The following SYCP1 variants were observed in gnomAD, a reference collection of about 807,000 sequenced individuals.
The protein encoded by SYCP1 is synaptonemal complex protein 1.
A neutral mutation model predicts 153.1 loss-of-function variants in SYCP1; 64 were observed. That is an observed-to-expected ratio of 0.42 (90% confidence interval 0.34 to 0.51). SYCP1 has a LOEUF of 0.51. Ranked by LOEUF, SYCP1 falls within the 20% of genes least tolerant of loss-of-function variation. The pLI, the probability that SYCP1 is intolerant of heterozygous loss-of-function variation, is 0.06. For missense variants in SYCP1, 997 were observed against 1,049.0 expected, an observed-to-expected ratio of 0.95 and a Z score of 0.68; for synonymous variants, 384 against 341.8, an observed-to-expected ratio of 1.12 and a Z score of -1.36.
chr1:114,882,092 G>A (rs1479220743), intron 12 of SYCP1, among the ~76,000 whole-genome samples: 3 of 152,128 alleles, frequency 2.0e-5, no homozygotes, highest in Admixed American at 6.6e-5. Flanking sequence ...GGCTGAGGTG[G>A]AAGGATCACT....
rs1674198686 is a variant in SYCP1 at position 114,995,136 on chromosome 1, A to T, written c.*117A>T. ...AAGTTGAGACTTAAAAAATACTTGC[A>T]TGAATGATTTGTGTTTCTTTATATT... On this transcript the variant is annotated 3_prime_UTR_variant, in exon 32 of 32. Transcript: ENST00000369522. 3.0e-6 allele frequency: 3 copies of T among 1,006,670 alleles called. No individual in the cohort carries two copies. Among genetic ancestry groups the T allele is most frequent in the Admixed American group, 6.3e-5 (2 of 31,684 alleles). 62.4% of individuals were successfully genotyped at this position (1,006,670 alleles called of 1,614,324 possible).
intron 8 of SYCP1, among the ~76,000 whole-genome samples, chr1:114,872,258 TCAA>T: frequency 6.6e-6 from 1 of 152,186 alleles, no homozygotes; most frequent in Non-Finnish European, 1.5e-5. Flanking sequence ...ACACATTCTG[TCAA>T]CTTTTGTCAA....
intron 28 of SYCP1, among the ~76,000 whole-genome samples, chr1:114,978,439 G>A (rs1318517451): frequency 6.6e-6 from 1 of 151,524 alleles, no homozygotes; most frequent in Non-Finnish European, 1.5e-5. Flanking sequence ...TCAGGAAGAG[G>A]TTTGGAATGT....
chr1:114,898,755 C>A (rs1027887020), intron 16 of SYCP1, among the ~76,000 whole-genome samples: 1 of 152,154 alleles, frequency 6.6e-6, no homozygotes, highest in Non-Finnish European at 1.5e-5. Flanking sequence ...TAAAGTACAG[C>A]AAGAATAACT....
chr1:114,908,803 A>G (rs775724736), intron 16 of SYCP1, among the ~76,000 whole-genome samples: 3 of 152,198 alleles, frequency 2.0e-5, no homozygotes, highest in Non-Finnish European at 2.9e-5. Flanking sequence ...CATCTGATAA[A>G]GTTCTCACAT....
At position 114,964,819 on chromosome 1, in the gene SYCP1, T is replaced by C. The variant is rs138321726; in HGVS notation, c.2323-12738T>C. Among the ~76,000 whole-genome samples the C allele has an allele frequency of 6.8e-3, 1,036 of 152,340 alleles. 7 individuals are homozygous for C. The highest frequency in any genetic ancestry group is 0.024 in the African/African-American group (978 of 41,578). ...GCATGATGCCTCCAGCTTTGTTCTT[T>C]TGGCTTAGGATTGTCTTGGATATAT... On this transcript the variant is annotated intron_variant, in intron 27 of 31. Transcript: ENST00000369522.
chr1:114,874,122 CCA>C lies in SYCP1; in HGVS notation c.599-381_599-380del, dbSNP rs1665352765. Among the ~76,000 whole-genome samples, 16 of 152,246 alleles carry C rather than the reference CCA, an allele frequency of 1.1e-4. 1 individual carries two copies. In the South Asian group the frequency reaches 3.3e-3, roughly 32 times the overall value. On this transcript the variant is annotated intron_variant, in intron 8 of 31. Transcript: ENST00000369522. The stretch of plus-strand genomic sequence containing the variant: ...GGTTTTCTTTCCCTGACTCTGGTTC[CCA>C]CAGAGTTTTCTGCTTATGGGTTTCT...
At chr1:114,976,614 GT>G (rs1217811182) in intron 27 of SYCP1, among the ~76,000 whole-genome samples, 1 of 151,752 alleles carries the variant, frequency 6.6e-6, no homozygotes, top group Non-Finnish European at 1.5e-5. Context: ...GATATTGCTG[GT>G]TTAGAAAATG....
At position 114,967,750 on chromosome 1, in the gene SYCP1, T is replaced by C. The variant is rs145142548; in HGVS notation, c.2323-9807T>C. Among the ~76,000 whole-genome samples, 51 of 152,328 alleles carry C rather than the reference T, an allele frequency of 3.3e-4. No homozygotes were observed. In the East Asian group the frequency reaches 9.4e-3, roughly 28 times the overall value. The stretch of plus-strand genomic sequence containing the variant: ...TGATGCTAGCTGGTTATTTTGCCCA[T>C]TAGTTGATGCAGTTTCTTCATAGTG... On this transcript the variant is annotated intron_variant, in intron 27 of 31. Coordinates refer to ENST00000369522, the MANE Select transcript of SYCP1 (RefSeq NM_003176.4).
At chr1:114,949,142 C>G (rs567307453) in intron 27 of SYCP1, among the ~76,000 whole-genome samples, 2 of 152,308 alleles carry the variant, frequency 1.3e-5, no homozygotes, top group African/African-American at 4.8e-5. Flanking sequence ...AAATGATGTA[C>G]AAGCATGTTT....
At position 114,995,227 on chromosome 1, in the gene SYCP1, T is replaced by G. The variant is rs1007768874; in HGVS notation, c.*208T>G. The G allele has an allele frequency of 8.7e-5, 34 of 392,404 alleles. No individual in the cohort carries two copies. Among genetic ancestry groups the G allele is most frequent in the Admixed American group, 1.7e-4 (4 of 23,472 alleles). The allele number at this position is 392,404 out of a possible 1,614,324, so 24.3% of individuals were successfully genotyped here. ...CATTGTATTCAGATAATTAGATGAT[T>G]ATATATTGTTGTTACTTTTTCTTGT... On this transcript the variant is annotated 3_prime_UTR_variant, in exon 32 of 32. Coordinates refer to ENST00000369522, the MANE Select transcript of SYCP1 (RefSeq NM_003176.4).
chr1:114,915,780 G>T (rs1447420414), intron 20 of SYCP1, among the ~76,000 whole-genome samples: 1 of 152,168 alleles, frequency 6.6e-6, no homozygotes, highest in Non-Finnish European at 1.5e-5. Context: ...AGAGGTGTCA[G>T]GTATTAGGTA....
chr1:114,898,246 A>C (rs962235971), intron 16 of SYCP1, among the ~76,000 whole-genome samples: 1 of 152,148 alleles, frequency 6.6e-6, no homozygotes, highest in African/African-American at 2.4e-5. Context: ...ACACTGTGGA[A>C]CTGAGTTTTC....
intron 16 of SYCP1, among the ~76,000 whole-genome samples, chr1:114,900,339 G>A (rs1667345333): frequency 1.3e-5 from 2 of 151,864 alleles, no homozygotes; most frequent in African/African-American, 4.8e-5. Context: ...GGAGTGCGGT[G>A]GCGTGATCTC....
At chr1:114,866,178 CT>C (rs555060520) in intron 8 of SYCP1, among the ~76,000 whole-genome samples, 106 of 152,160 alleles carry the variant, frequency 7.0e-4, no homozygotes, top group Admixed American at 2.4e-3. Context: ...ACATTTTAAA[CT>C]CCTTTGAGTA....
At position 114,922,381 on chromosome 1, in the gene SYCP1, G is replaced by C. The variant is rs563226929; in HGVS notation, c.1719-1068G>C. On this transcript the variant is annotated intron_variant, in intron 20 of 31. Transcript: ENST00000369522. ...AATTTCTAAAGAAAAGAGGTTAATT[G>C]GTTCATAGTTCCATAGGTCATACAG... is the stretch of plus-strand genomic sequence containing the variant. 5.3e-5 allele frequency among the ~76,000 whole-genome samples: 8 copies of C among 152,182 alleles called. No homozygotes were observed. The East Asian group carries it at 1.2e-3, about 22-fold the overall frequency.
intron 23 of SYCP1, among the ~76,000 whole-genome samples, chr1:114,936,074 C>G (rs1051809777): frequency 1.3e-5 from 2 of 152,126 alleles, no homozygotes; most frequent in African/African-American, 4.8e-5. Context: ...CATCCTGATA[C>G]CAAAGGCTGG....
chr1:114,984,601 C>G, intron 29 of SYCP1, 124 bp from the exon 30 acceptor site: 1 of 745,862 alleles, frequency 1.3e-6, no homozygotes, highest in Non-Finnish European at 1.9e-6. Context: ...ATATACTTGC[C>G]AATAATAATG....
At chr1:114,886,547 A>G (rs913393955) in intron 14 of SYCP1, among the ~76,000 whole-genome samples, 6 of 152,122 alleles carry the variant, frequency 3.9e-5, no homozygotes, top group Admixed American at 1.3e-4. Flanking sequence ...ATGCTTTGCC[A>G]TAGAATTTAG....
Sources: allele counts gnomAD v4.1 joint callset (sites outside exome capture counted in the v4.1 genomes callset), GRCh38; gene constraint gnomAD v4.1.1; transcripts MANE v1.5; gene names NCBI Gene and HGNC (gene_info 2026-07-23, HGNC 2026-07-21).